The following MMACHC variants were observed in gnomAD, a reference collection of about 807,000 sequenced individuals.
The protein encoded by MMACHC is metabolism of cobalamin associated C.
Under a neutral mutation model 17.6 loss-of-function variants are expected in MMACHC, and 14 were observed. The observed-to-expected ratio is 0.80, with a 90% CI of 0.53 to 1.25. The LOEUF (loss-of-function observed/expected upper bound fraction) is 1.25. Ranked by LOEUF, MMACHC falls within the 50% of genes most tolerant of loss-of-function variation. The pLI is 0.00. For synonymous variants in MMACHC, 151 were observed against 142.1 expected (o/e 1.06, Z -0.45); for missense variants, 392 against 364.5 (o/e 1.08, Z -0.62).
chr1:45,505,584 G>A (rs930751577), intron 1 of MMACHC, among the ~76,000 whole-genome samples: 1 of 151,734 alleles, frequency 6.6e-6, no homozygotes, highest in East Asian at 2.0e-4. Flanking sequence ...ATGAGCCACC[G>A]CGCCGAGCCT....
At position 45,509,702 on chromosome 1, in the gene MMACHC, G is replaced by A. The variant is rs944296300; in HGVS notation, c.*487G>A. The A allele has an allele frequency of 8.7e-5, 14 of 160,486 alleles. No individual in the cohort carries two copies. Among genetic ancestry groups the A allele is most frequent in the East Asian group, 3.8e-4 (2 of 5,260 alleles). The allele number at this position is 160,486 out of a possible 1,614,324, so 9.9% of individuals were successfully genotyped here. A position where few individuals can be genotyped will look rare whatever the true frequency, so the allele number is the denominator to read the frequency against. On this transcript the variant is annotated 3_prime_UTR_variant, in exon 4 of 4. Coordinates refer to ENST00000401061, the MANE Select transcript of MMACHC (RefSeq NM_015506.3). ...CCTGGGATTACAGGAATGAGCCACCGCACCCAGCCAAGACTCTATCTGTTC... is the reference window on the plus strand; with the variant it reads ...CCTGGGATTACAGGAATGAGCCACCACACCCAGCCAAGACTCTATCTGTTC...
At position 45,511,183 on chromosome 1, in the gene MMACHC, C is replaced by G; in HGVS notation, c.*1968C>G. Reference sequence around the variant, plus strand: ...AAAGGAAGAAAGGCTGGTCTCTCCACCCCCTGTAGGAAAGGCCTGCCTTGT... The same window carrying G: ...AAAGGAAGAAAGGCTGGTCTCTCCAGCCCCTGTAGGAAAGGCCTGCCTTGT... On this transcript the variant is annotated 3_prime_UTR_variant, in exon 4 of 4. Transcript: ENST00000401061. The G allele has an allele frequency of 1.5e-6, 1 of 681,300 alleles. No homozygotes were observed. Among genetic ancestry groups the G allele is most frequent in the South Asian group, 2.1e-5 (1 of 48,336 alleles). 42.2% of individuals were successfully genotyped at this position (681,300 alleles called of 1,614,324 possible).
At chr1:45,502,311 C>T (rs1176929098) in intron 1 of MMACHC, among the ~76,000 whole-genome samples, 1 of 152,184 alleles carries the variant, frequency 6.6e-6, no homozygotes, top group African/African-American at 2.4e-5. Flanking sequence ...ACTCTGTCCT[C>T]CCGGCCGGAG....
Position 45,509,270 on chromosome 1 carries a change from T to C in MMACHC, c.*55T>C. On this transcript the variant is annotated 3_prime_UTR_variant, in exon 4 of 4. Transcript: ENST00000401061. ...TGGTACTTGCTAGGACTTAATTGGC[T>C]TTGGCAAAGCAAAAGGTTTTGAGTA... 6.2e-7 allele frequency: 1 copy of C among 1,601,974 alleles called. No homozygotes were observed. Among genetic ancestry groups the C allele is most frequent in the African/African-American group, 1.3e-5 (1 of 74,712 alleles).
Position 45,507,380 on chromosome 1 carries a change from C to T in MMACHC, c.106C>T (p.Pro36Ser). The part of the protein sequence containing the change: ...FQVAWYNELL[P>S]PAFHLPLPGP... Reference sequence around the variant, plus strand: ...GGTGGCATGGTACAATGAACTCTTGCCTCCAGCCTTCCACCTACCGCTGCC... The same window carrying T: ...GGTGGCATGGTACAATGAACTCTTGTCTCCAGCCTTCCACCTACCGCTGCC... Residue 36 changes from proline (P) to serine (S), a missense_variant, in exon 2 of 4, where the codon CCT becomes TCT. Transcript: ENST00000401061. The T allele has an allele frequency of 6.2e-7, 1 of 1,614,120 alleles. No homozygotes were observed.
chr1:45,501,055 GGGCAAAGCCTA>G (rs1643537572), intron 1 of MMACHC, among the ~76,000 whole-genome samples: 1 of 152,094 alleles, frequency 6.6e-6, no homozygotes, highest in African/African-American at 2.4e-5. Flanking sequence ...ATTTAGGAGA[GGGCAAAGCCTA>G]GAAGGTTTGC....
chr1:45,508,656 G>C (rs1185298364), intron 3 of MMACHC, 140 bp from the exon 4 acceptor site: 2 of 1,066,296 alleles, frequency 1.9e-6, no homozygotes, highest in Non-Finnish European at 2.7e-6. Context: ...TTTATGAAAG[G>C]GTTTGCCAAG....
Position 45,509,103 on chromosome 1 carries a change from C to T in MMACHC, c.737C>T (p.Pro246Leu). The T allele has an allele frequency of 6.2e-7, 1 of 1,611,950 alleles. No homozygotes were observed. The highest frequency in any genetic ancestry group is 1.1e-5 in the South Asian group (1 of 90,858). The change falls in exon 4 of 4, where the codon CCC becomes CTC. Residue 246 changes from proline (P) to leucine (L), a missense_variant. Transcript: ENST00000401061. ...LAQPSEKPSSPSPDLPFTTPA... is the reference protein window; with the variant it reads ...LAQPSEKPSSLSPDLPFTTPA... Reference sequence around the variant, plus strand: ...CAGCCCTCAGAGAAGCCTAGTTCTCCCTCCCCGGACCTTCCCTTTACCACA... The same window carrying T: ...CAGCCCTCAGAGAAGCCTAGTTCTCTCTCCCCGGACCTTCCCTTTACCACA...
rs1312343436 is a variant in MMACHC at position 45,507,407 on chromosome 1, G to C, written c.133G>C (p.Gly45Arg). 9 of 1,614,044 alleles carry C rather than the reference G, an allele frequency of 5.6e-6. No homozygotes were observed. Among genetic ancestry groups the C allele is most frequent in the Non-Finnish European group, 6.8e-6 (8 of 1,180,022 alleles). The change falls in exon 2 of 4, where the codon GGA becomes CGA. Residue 45 changes from glycine (G) to arginine (R), a missense_variant. Physicochemically the swap from Gly to Arg is moderately radical, Grantham distance 125. Transcript: ENST00000401061. ...LPPAFHLPLP[G>R]PTLAFLVLST... ...TCCAGCCTTCCACCTACCGCTGCCA[G>C]GACCTACCCTGGCCTTCCTGGTACT...
At position 45,509,408 on chromosome 1, in the gene MMACHC, TCAAATGAG is replaced by T; in HGVS notation, c.*194_*201del. ...AGGGAACCAGAATTCCCATCTGCCT[TCAAATGAG>T]TTTTTTTTTTTTTTTTAGACAGAGT... On this transcript the variant is annotated 3_prime_UTR_variant, in exon 4 of 4. Transcript: ENST00000401061. 1.8e-6 allele frequency: 1 copy of T among 560,226 alleles called. No individual in the cohort carries two copies. The highest frequency in any genetic ancestry group is 3.0e-6 in the Non-Finnish European group (1 of 335,476). 34.7% of individuals were successfully genotyped at this position (560,226 alleles called of 1,614,324 possible). A position where few individuals can be genotyped will look rare whatever the true frequency, so the allele number is the denominator to read the frequency against.
At position 45,508,208 on chromosome 1, in the gene MMACHC, C is replaced by G. The variant is rs199889403; in HGVS notation, c.277-4C>G. 1,020 of 1,613,980 alleles carry G rather than the reference C, an allele frequency of 6.3e-4. 1 individual carries two copies. The highest frequency in any genetic ancestry group is 8.2e-4 in the Non-Finnish European group (964 of 1,179,980). ...AGTACCCTCTATTTTGTCCACTGTT[C>G]CAGAGCCTCCCAGAGCTGCAGATAG... is the stretch of plus-strand genomic sequence containing the variant. On this transcript the variant is annotated splice_region_variant and splice_polypyrimidine_tract_variant and intron_variant, in intron 2 of 3. Coordinates refer to ENST00000401061, the MANE Select transcript of MMACHC (RefSeq NM_015506.3).
Position 45,508,914 on chromosome 1 carries a change from T to C in MMACHC, c.548T>C (p.Val183Ala), listed in dbSNP as rs780926592. 2.3e-5 allele frequency: 37 copies of C among 1,614,064 alleles called. No homozygotes were observed. The Admixed American group carries it at 5.0e-4, about 22-fold the overall frequency. The part of the protein sequence containing the change: ...DLPPRKPHDC[V>A]PTRADRIALL... ...CCACCCAGAAAACCTCATGACTGTG[T>C]ACCTACAAGAGCTGACCGTATCGCC... is the stretch of plus-strand genomic sequence containing the variant. The change falls in exon 4 of 4, where the codon GTA (valine) becomes GCA (alanine). Residue 183 changes from valine (V) to alanine (A), a missense_variant. By Grantham distance (64) the Val-to-Ala change is moderately conservative. Transcript: ENST00000401061.
At position 45,502,829 on chromosome 1, in the gene MMACHC, A is replaced by G. The variant is rs1643565701; in HGVS notation, c.81+2416A>G. 2.0e-5 allele frequency among the ~76,000 whole-genome samples: 3 copies of G among 150,850 alleles called. No homozygotes were observed. In the South Asian group the frequency reaches 6.2e-4, roughly 31 times the overall value. ...AAGTGATTCTCCTGCCTCAGCCTCCAGAGTAGGTAGGATTACAGGCATGTG... is the reference window on the plus strand; with the variant it reads ...AAGTGATTCTCCTGCCTCAGCCTCCGGAGTAGGTAGGATTACAGGCATGTG... On this transcript the variant is annotated intron_variant, in intron 1 of 3. Coordinates refer to ENST00000401061, the MANE Select transcript of MMACHC (RefSeq NM_015506.3).
rs544265336 is a variant in MMACHC, at chr1:45,512,533, CA to C, written c.*3329del. 7.8e-4 allele frequency: 109 copies of C among 140,514 alleles called. No individual in the cohort carries two copies. The highest frequency in any genetic ancestry group is 2.9e-3 in the Admixed American group (41 of 14,178). The allele number at this position is 140,514 out of a possible 1,614,324, so 8.7% of individuals were successfully genotyped here. On this transcript the variant is annotated 3_prime_UTR_variant, in exon 4 of 4. Transcript: ENST00000401061. ...TGGGCGACAAAACAAGACTCTGTCT[CA>C]AAAAAAAAAAGTGTTTGGCATTCAT...
At chr1:45,505,177 G>T (rs1305671166) in intron 1 of MMACHC, among the ~76,000 whole-genome samples, 1 of 151,014 alleles carries the variant, frequency 6.6e-6, no homozygotes, top group Non-Finnish European at 1.5e-5. Context: ...CGCCTGGCGC[G>T]GTGACTCACG....
Position 45,509,245 on chromosome 1 carries a change from T to C in MMACHC, c.*30T>C, listed in dbSNP as rs764553546. The C allele has an allele frequency of 8.3e-5, 134 of 1,613,438 alleles. No individual in the cohort carries two copies. Among genetic ancestry groups the C allele is most frequent in the Non-Finnish European group, 1.1e-4 (132 of 1,179,744 alleles). ...CTCCCATGTGGACCCTGATTTATGG[T>C]GGTACTTGCTAGGACTTAATTGGCT... is the stretch of plus-strand genomic sequence containing the variant. On this transcript the variant is annotated 3_prime_UTR_variant, in exon 4 of 4. Coordinates refer to ENST00000401061, the MANE Select transcript of MMACHC (RefSeq NM_015506.3).
At chr1:45,500,687 A>T (rs1643527589) in intron 1 of MMACHC, among the ~76,000 whole-genome samples, 1 of 152,012 alleles carries the variant, frequency 6.6e-6, no homozygotes. Flanking sequence ...CAACATGGTG[A>T]AACCCCATCT....
chr1:45,504,300 C>T lies in MMACHC; in HGVS notation c.82-3056C>T, dbSNP rs183440181. Among the ~76,000 whole-genome samples, 152 of 152,228 alleles carry T rather than the reference C, an allele frequency of 1.0e-3. No homozygotes were observed. The East Asian group carries it at 0.021, about 21-fold the overall frequency. Reference sequence around the variant, plus strand: ...GTTTGCTGGCAGGCACCTGTAATCCCAGCTCCTCGGGAGGCTGAGGCAGGA... The same window carrying T: ...GTTTGCTGGCAGGCACCTGTAATCCTAGCTCCTCGGGAGGCTGAGGCAGGA... On this transcript the variant is annotated intron_variant, in intron 1 of 3. Coordinates refer to ENST00000401061, the MANE Select transcript of MMACHC (RefSeq NM_015506.3).
Position 45,508,222 on chromosome 1 carries a change from A to G in MMACHC, c.287A>G (p.Glu96Gly). The change falls in exon 3 of 4, where the codon GAG (glutamate) becomes GGG (glycine). Residue 96 changes from glutamate (E) to glycine (G), a missense_variant. Coordinates refer to ENST00000401061, the MANE Select transcript of MMACHC (RefSeq NM_015506.3). ...HLGRVRESLP[E>G]LQIEIIADYE... is the part of the protein sequence containing the mutation. ...TGTCCACTGTTCCAGAGCCTCCCAGAGCTGCAGATAGAAATCATTGCTGAC... is the reference window on the plus strand; with the variant it reads ...TGTCCACTGTTCCAGAGCCTCCCAGGGCTGCAGATAGAAATCATTGCTGAC... The G allele has an allele frequency of 6.2e-7, 1 of 1,614,156 alleles. No homozygotes were observed. The highest frequency in any genetic ancestry group is 8.5e-7 in the Non-Finnish European group (1 of 1,180,008).
Sources: allele counts gnomAD v4.1 joint callset (sites outside exome capture counted in the v4.1 genomes callset), GRCh38; gene constraint gnomAD v4.1.1; transcripts MANE v1.5; gene names NCBI Gene and HGNC (gene_info 2026-07-23, HGNC 2026-07-21).